Variants in DHRS12 observed in about 807,000 individuals in gnomAD.
DHRS12 encodes dehydrogenase/reductase SDR family member 12.
A neutral mutation model predicts 32.1 loss-of-function variants in DHRS12; 29 were observed. That is an observed-to-expected ratio of 0.90 (90% CI 0.67 to 1.23). The LOEUF is 1.23. Among genes scored for constraint, DHRS12 ranks in the 50% most tolerant of loss-of-function variants. The probability of loss-of-function intolerance (pLI) is 0.00; values close to 1 mark genes in which losing one functional copy is unlikely to be tolerated. For synonymous variants in DHRS12, 150 were observed against 135.9 expected (o/e 1.10, Z -0.72); for missense variants, 330 against 337.2 (o/e 0.98, Z 0.17).
At chr13:51,763,723 A>C (rs1438540107), downstream of DHRS12, 1 of 152,236 alleles carries the variant, frequency 6.6e-6, no homozygotes, top group Non-Finnish European at 1.5e-5. Context: ...ACTCGAGCCC[A>C]GGAATTCAAG....
intron 3 of DHRS12, 28 bp from the exon 4 acceptor site, chr13:51,790,120 TAAAG>T: frequency 6.5e-7 from 1 of 1,547,384 alleles, no homozygotes; most frequent in Non-Finnish European, 8.7e-7. Flanking sequence ...CATTTCAAAA[TAAAG>T]AAAAATAGGG....
intron 1 of DHRS12, among the ~76,000 whole-genome samples, chr13:51,801,126 T>G (rs1036853422): frequency 3.3e-5 from 5 of 152,188 alleles, no homozygotes; most frequent in African/African-American, 1.2e-4. Context: ...CTAAATGAGA[T>G]GCCGCATCTA....
intron 2 of DHRS12, among the ~76,000 whole-genome samples, chr13:51,799,272 G>A (rs536318013): frequency 1.3e-4 from 20 of 152,062 alleles, no homozygotes; most frequent in African/African-American, 2.2e-4. Flanking sequence ...TGAGCCCCTC[G>A]CTGTTCTTAA....
downstream of DHRS12, chr13:51,765,731 AG>A (rs1953725632): frequency 6.6e-6 from 1 of 152,162 alleles, no homozygotes; most frequent in African/African-American, 2.4e-5. Flanking sequence ...AGAGCCTGCT[AG>A]GTTTGGTTTT....
chr13:51,789,186 A>G lies in DHRS12; in HGVS notation c.301+825T>C, dbSNP rs187602389. Among the ~76,000 whole-genome samples, 180 of 152,308 alleles carry G rather than the reference A, an allele frequency of 1.2e-3. 3 individuals carry two copies. The highest frequency in any genetic ancestry group is 0.011 in the Admixed American group (175 of 15,298). ...ACCCTCAATGACTCCAACAACCACC[A>G]AAACCCCTGCCATCCATCTTGTGAC... On this transcript the variant is annotated intron_variant, in intron 4 of 8. Coordinates refer to ENST00000444610, the MANE Select transcript of DHRS12 (RefSeq NM_001377533.1).
At chr13:51,792,377 G>A (rs1955315250) in intron 2 of DHRS12, among the ~76,000 whole-genome samples, 1 of 151,988 alleles carries the variant, frequency 6.6e-6, no homozygotes, top group South Asian at 2.1e-4. Context: ...TTTCATATAT[G>A]TGTTGGCCAT....
At chr13:51,763,557 G>C (rs1218172794), downstream of DHRS12, 1 of 152,244 alleles carries the variant, frequency 6.6e-6, no homozygotes, top group Non-Finnish European at 1.5e-5. Context: ...TGAACACTTT[G>C]GGAGGACAAG....
downstream of DHRS12, chr13:51,767,900 CTG>C: frequency 1.1e-6 from 1 of 947,558 alleles, no homozygotes; most frequent in Non-Finnish European, 1.3e-6. Context: ...TCCCCTAAGA[CTG>C]AAATGATGGT....
intron 8 of DHRS12, chr13:51,768,757 C>T: frequency 1.8e-6 from 2 of 1,141,708 alleles, no homozygotes; most frequent in South Asian, 2.7e-5. Context: ...CAGATCACTG[C>T]TTCCAAAAAT....
At chr13:51,777,383 A>G in intron 4 of DHRS12, 1 of 488,682 alleles carries the variant, frequency 2.0e-6, no homozygotes, top group South Asian at 3.0e-5. Flanking sequence ...GAAAAAGAAA[A>G]CTGCCAAACC....
At chr13:51,789,848 T>A (rs1593549846) in intron 4 of DHRS12, 163 bp downstream of exon 4, 1 of 985,150 alleles carries the variant, frequency 1.0e-6, no homozygotes. Context: ...AAAGAGAAAG[T>A]GTTTTATGAA....
Position 51,771,909 on chromosome 13 carries a change from C to T in DHRS12, c.471G>A (p.Arg157=). ...DGTMVYAQNK[R]QQVVLTERWA... is the part of the protein sequence containing the mutation. ...ACCGCTCCGTCAGAACCACTTGCTG[C>T]CTCTGGACAGGAAGGAGCGAGGGGG... The change falls in exon 7 of 9, where the codon AGG becomes AGA. Residue 157 remains arginine, a splice_region_variant and synonymous_variant. Coordinates refer to ENST00000444610, the MANE Select transcript of DHRS12 (RefSeq NM_001377533.1). The T allele has an allele frequency of 6.2e-7, 1 of 1,614,064 alleles. No homozygotes were observed. The highest frequency in any genetic ancestry group is 2.2e-5 in the East Asian group (1 of 44,874).
the DHRS12 span, chr13:51,762,756 A>G: frequency 6.6e-6 from 1 of 152,138 alleles, no homozygotes; most frequent in Non-Finnish European, 1.5e-5. Context: ...TTGCTCTATT[A>G]CTTAAACATA....
chr13:51,756,172 A>G, the DHRS12 span, among the ~76,000 whole-genome samples: 1 of 152,188 alleles, frequency 6.6e-6, no homozygotes, highest in Non-Finnish European at 1.5e-5. Flanking sequence ...GCCCCAGAGA[A>G]GAACACATCC....
chr13:51,795,020 G>C (rs898508832), intron 2 of DHRS12, among the ~76,000 whole-genome samples: 2 of 152,064 alleles, frequency 1.3e-5, no homozygotes, highest in African/African-American at 4.8e-5. Flanking sequence ...TAACCTCTCT[G>C]AAAGATCACC....
chr13:51,770,665 T>C, intron 7 of DHRS12: 1 of 753,698 alleles, frequency 1.3e-6, no homozygotes, highest in Non-Finnish European at 1.6e-6. Flanking sequence ...AGGTGAGGAC[T>C]AATTTCTGCC....
the DHRS12 span, chr13:51,755,523 A>T: frequency 1.3e-6 from 2 of 1,521,478 alleles, no homozygotes; most frequent in Non-Finnish European, 1.8e-6. Flanking sequence ...ATGTGATCTT[A>T]GAAGAAATAA....
At chr13:51,791,462 AC>A (rs1464119877) in intron 2 of DHRS12, among the ~76,000 whole-genome samples, 1 of 151,808 alleles carries the variant, frequency 6.6e-6, no homozygotes, top group Non-Finnish European at 1.5e-5. Context: ...TACTATATAT[AC>A]AATACATATA....
At chr13:51,771,996 GCTT>G in intron 6 of DHRS12, 85 bp from the exon 7 acceptor site, 1 of 1,348,942 alleles carries the variant, frequency 7.4e-7, no homozygotes. Flanking sequence ...GCCCAGCCTG[GCTT>G]ATCTTACACT....
Sources: allele counts gnomAD v4.1 joint callset (sites outside exome capture counted in the v4.1 genomes callset), GRCh38; gene constraint gnomAD v4.1.1; transcripts MANE v1.5; gene names NCBI Gene and HGNC (gene_info 2026-07-23, HGNC 2026-07-21).